Variants in FHIP1B observed in about 807,000 individuals in gnomAD.
FHIP1B encodes FHF complex subunit HOOK-interacting protein 1B.
FHIP1B carries 28 observed loss-of-function variants against 82.2 expected under a neutral mutation model. The observed-to-expected ratio is 0.34, with a 90% confidence interval of 0.25 to 0.47. The LOEUF (loss-of-function observed/expected upper bound fraction) is 0.47, where lower values mean the gene tolerates loss of function less well. FHIP1B is among the 20% of genes least tolerant of loss of function. The probability of loss-of-function intolerance (pLI) is 1.00; values close to 1 mark genes in which losing one functional copy is unlikely to be tolerated. For synonymous variants in FHIP1B, 585 were observed against 516.1 expected (o/e 1.13, Z -1.81); for missense variants, 1,110 against 1,262.6 (o/e 0.88, Z 1.83).
intron 8 of FHIP1B, among the ~76,000 whole-genome samples, 188 bp from the exon 9 acceptor site, chr11:6,218,338 C>T (rs1237553527): frequency 6.6e-6 from 1 of 152,168 alleles, no homozygotes; most frequent in Non-Finnish European, 1.5e-5. Context: ...ACCATCACCA[C>T]TGAAGACACA....
chr11:6,218,217 C>A, intron 8 of FHIP1B, 67 bp from the exon 9 acceptor site: 1 of 1,511,080 alleles, frequency 6.6e-7, no homozygotes, highest in Non-Finnish European at 8.8e-7. Flanking sequence ...TAAGACACCT[C>A]GGGAGACTAA....
intron 1 of FHIP1B, among the ~76,000 whole-genome samples, chr11:6,234,158 C>A (rs1482325826): frequency 6.6e-6 from 1 of 152,044 alleles, no homozygotes; most frequent in Non-Finnish European, 1.5e-5. Context: ...TCCTCCCATG[C>A]CTCGCCTTCA....
intron 6 of FHIP1B, 62 bp downstream of exon 6, chr11:6,222,380 A>G (rs983865628): frequency 1.3e-6 from 2 of 1,580,426 alleles, no homozygotes; most frequent in African/African-American, 2.7e-5. Context: ...CCCTCCCAGA[A>G]CAAAGGTCAG....
intron 6 of FHIP1B, among the ~76,000 whole-genome samples, chr11:6,220,072 C>T (rs1847363521): frequency 6.6e-6 from 1 of 152,060 alleles, no homozygotes; most frequent in Non-Finnish European, 1.5e-5. Context: ...ATCTCCAGAC[C>T]CTAAAAATAT....
chr11:6,215,195 T>C (rs1258126288), intron 9 of FHIP1B: 2 of 305,876 alleles, frequency 6.5e-6, no homozygotes, highest in Non-Finnish European at 1.2e-5. Context: ...GCTTTGCCCT[T>C]TACTAGTTTG....
rs527318230 is a variant in FHIP1B, at chr11:6,211,795, G to A, written c.2630C>T (p.Ala877Val). ...CCCAGGCTGAAGGACCAATTGTGCC[G>A]CCTGCCGGGCCCTGGTTGGACTGTG... Reference protein sequence around the residue: ...HAHSPTRARQAAQLVLQPGRD... With the variant: ...HAHSPTRARQVAQLVLQPGRD... Residue 877 changes from alanine to valine, a missense_variant, in exon 12 of 12, where the codon GCG becomes GTG. Ala to Val is a moderately conservative substitution (Grantham distance 64). Coordinates refer to ENST00000449352, the MANE Select transcript of FHIP1B (RefSeq NM_001098794.2). 7.4e-5 allele frequency: 119 copies of A among 1,613,102 alleles called. 1 individual carries two copies. In the South Asian group the frequency reaches 9.1e-4, roughly 12 times the overall value.
chr11:6,218,961 C>T lies in FHIP1B; in HGVS notation c.1271+10G>A. The T allele has an allele frequency of 6.2e-7, 1 of 1,613,882 alleles. No individual in the cohort carries two copies. Among genetic ancestry groups the T allele is most frequent in the Non-Finnish European group, 8.5e-7 (1 of 1,179,874 alleles). On this transcript the variant is annotated intron_variant, in intron 7 of 11. Coordinates refer to ENST00000449352, the MANE Select transcript of FHIP1B (RefSeq NM_001098794.2). ...GGTCAGCCATCCCTCAGCCCTGCCC[C>T]AACAGATACCTGAGAACCAGCTGCA... is the stretch of plus-strand genomic sequence containing the variant.
At chr11:6,227,939 A>G (rs1279243108) in intron 1 of FHIP1B, among the ~76,000 whole-genome samples, 2 of 152,248 alleles carry the variant, frequency 1.3e-5, no homozygotes, top group African/African-American at 4.8e-5. Flanking sequence ...AGTAGAATGA[A>G]GACTAAAAAT....
chr11:6,230,729 A>G (rs1357124042), intron 1 of FHIP1B, among the ~76,000 whole-genome samples: 1 of 152,250 alleles, frequency 6.6e-6, no homozygotes, highest in Non-Finnish European at 1.5e-5. Context: ...CTCTACCTTG[A>G]CAGAGATGTC....
chr11:6,217,764 C>T lies in FHIP1B; in HGVS notation c.1822G>A (p.Glu608Lys). The change falls in exon 9 of 12, where the codon GAA becomes AAA. Residue 608 changes from glutamate (E) to lysine (K), a missense_variant. Glu to Lys is a moderately conservative substitution (Grantham distance 56). This residue lies in a region of FHIP1B where 418 missense variants were observed against 371.4 expected (regional missense o/e 1.13). Coordinates refer to ENST00000449352, the MANE Select transcript of FHIP1B (RefSeq NM_001098794.2). ...CTCCCCAGCTCTTCCTCCTCCCCTT[C>T]CCCCACGTTGTTCCTGTCCTCCTCA... ...LPEEDRNNVG[E>K]GEEEELGRRG... is the part of the protein sequence containing the mutation. The T allele has an allele frequency of 1.3e-6, 2 of 1,494,136 alleles. No homozygotes were observed. Among genetic ancestry groups the T allele is most frequent in the South Asian group, 1.1e-5 (1 of 88,254 alleles). 92.6% of individuals were successfully genotyped at this position (1,494,136 alleles called of 1,614,324 possible). A position where few individuals can be genotyped will look rare whatever the true frequency, so the allele number is the denominator to read the frequency against.
At chr11:6,226,827 G>C (rs1847577628) in intron 1 of FHIP1B, among the ~76,000 whole-genome samples, 1 of 152,188 alleles carries the variant, frequency 6.6e-6, no homozygotes, top group African/African-American at 2.4e-5. Flanking sequence ...AAAATGGTAA[G>C]ATCAGATTGT....
At chr11:6,230,632 C>T (rs778213399) in intron 1 of FHIP1B, among the ~76,000 whole-genome samples, 10 of 152,180 alleles carry the variant, frequency 6.6e-5, no homozygotes, top group Non-Finnish European at 1.2e-4. Context: ...CTGACTCCAG[C>T]GGGGTCCATC....
chr11:6,224,325 C>T (rs325608), intron 2 of FHIP1B, 54 bp downstream of exon 2: 410,287 of 1,613,878 alleles, frequency 0.25, 59,051 homozygotes, highest in African/African-American at 0.63. Flanking sequence ...ATATAGAAGG[C>T]TGGGAGAACT....
chr11:6,231,140 T>C (rs948783786), intron 1 of FHIP1B, among the ~76,000 whole-genome samples: 41 of 152,188 alleles, frequency 2.7e-4, no homozygotes, highest in African/African-American at 9.2e-4. Context: ...GGAGCTAAAC[T>C]AAAGCTTTGA....
chr11:6,234,009 G>A (rs770778949), intron 1 of FHIP1B, among the ~76,000 whole-genome samples: 4 of 152,138 alleles, frequency 2.6e-5, no homozygotes, highest in African/African-American at 4.8e-5. Context: ...GGGAGCAGAG[G>A]AGTCAGGTGC....
In FHIP1B at chr11:6,219,033, C is replaced by G. The variant is rs750657567; in HGVS notation, c.1209G>C (p.Leu403=). Residue 403 remains leucine, a synonymous_variant, in exon 7 of 12, where the codon CTG becomes CTC. Coordinates refer to ENST00000449352, the MANE Select transcript of FHIP1B (RefSeq NM_001098794.2). ...GSNSRLCMVS[L]SLFRTLLNLS... ...GGTTCAGGAGGGTCCTGAAGAGACTCAGAGAGACCATGCAGAGCTGGGGGG... is the reference window on the plus strand; with the variant it reads ...GGTTCAGGAGGGTCCTGAAGAGACTGAGAGAGACCATGCAGAGCTGGGGGG... The G allele has an allele frequency of 4.3e-6, 7 of 1,612,078 alleles. No individual in the cohort carries two copies. Among genetic ancestry groups the G allele is most frequent in the South Asian group, 1.1e-5 (1 of 90,910 alleles).
chr11:6,215,581 G>T (rs1847203506), intron 9 of FHIP1B, among the ~76,000 whole-genome samples: 2 of 152,350 alleles, frequency 1.3e-5, no homozygotes, highest in South Asian at 4.1e-4. Context: ...GAGGACCAGA[G>T]AAGACATCAG....
At chr11:6,227,511 G>A (rs1847593311) in intron 1 of FHIP1B, among the ~76,000 whole-genome samples, 1 of 152,196 alleles carries the variant, frequency 6.6e-6, no homozygotes, top group Admixed American at 6.5e-5. Context: ...CACATAAGAA[G>A]GGGAATTGTG....
intron 11 of FHIP1B, among the ~76,000 whole-genome samples, chr11:6,213,379 G>GCT (rs1554908029): frequency 6.6e-6 from 1 of 152,110 alleles, no homozygotes; most frequent in East Asian, 1.9e-4. Context: ...ATTCCTCCTT[G>GCT]CTCTCTCCTC....
Sources: gnomAD v4.1 joint callset for allele counts (sites outside exome capture counted in the v4.1 genomes callset) on GRCh38, gnomAD v4.1.1 for gene constraint, gnomAD v4.1.1 regional missense constraint, MANE v1.5 for transcripts, NCBI Gene and HGNC (gene_info 2026-07-23, HGNC 2026-07-21) for gene names.